Variants in SIPA1L3 observed in about 807,000 individuals in gnomAD.
SIPA1L3 encodes signal induced proliferation associated 1 like 3, also known as signal-induced proliferation-associated 1-like protein 3.
Under a neutral mutation model 150.1 loss-of-function variants are expected in SIPA1L3, and 59 were observed. The observed-to-expected ratio is 0.39, with a 90% CI of 0.32 to 0.49. SIPA1L3 has a LOEUF of 0.49. SIPA1L3 is among the 20% of genes least tolerant of loss of function. The pLI is 0.86. For synonymous variants in SIPA1L3, 1,070 were observed against 1,077.6 expected (o/e 0.99, Z 0.14); for missense variants, 2,211 against 2,489.5 (o/e 0.89, Z 2.38).
chr19:38,104,251 C>T lies in SIPA1L3; in HGVS notation c.2030-2286C>T, dbSNP rs2382974. 2.8e-3 allele frequency among the ~76,000 whole-genome samples: 424 copies of T among 152,338 alleles called. 2 individuals are homozygous for T. Among genetic ancestry groups the T allele is most frequent in the African/African-American group, 9.8e-3 (406 of 41,578 alleles). Reference sequence around the variant, plus strand: ...CCATCATCACCTTCCCCTGCTCCTCCGCTGAAGGAGGCTGTAGGAGGAACG... The same window carrying T: ...CCATCATCACCTTCCCCTGCTCCTCTGCTGAAGGAGGCTGTAGGAGGAACG... On this transcript the variant is annotated intron_variant, in intron 6 of 21. Coordinates refer to ENST00000222345, the MANE Select transcript of SIPA1L3 (RefSeq NM_015073.3).
intron 2 of SIPA1L3, among the ~76,000 whole-genome samples, chr19:38,040,320 A>G (rs1968888339): frequency 6.6e-6 from 1 of 151,984 alleles, no homozygotes; most frequent in Admixed American, 6.6e-5. Flanking sequence ...TTGTCACTGG[A>G]AACTGTATCC....
At chr19:38,062,621 A>AT (rs11392353) in intron 2 of SIPA1L3, among the ~76,000 whole-genome samples, 8,613 of 132,296 alleles carry the variant, frequency 0.065, 839 homozygotes, top group African/African-American at 0.23. Context: ...TATTATTATT[A>AT]TTTTTTTTTT....
intron 16 of SIPA1L3, among the ~76,000 whole-genome samples, chr19:38,183,603 G>A (rs1468637875): frequency 6.6e-6 from 1 of 152,194 alleles, no homozygotes; most frequent in Non-Finnish European, 1.5e-5. Flanking sequence ...AGGCGTGAGG[G>A]GGGCCCTTGA....
At position 38,166,455 on chromosome 19, in the gene SIPA1L3, C is replaced by CA. The variant is rs545670843; in HGVS notation, c.4208+1563dup. On this transcript the variant is annotated intron_variant, in intron 15 of 21. Transcript: ENST00000222345. ...CAGGCGACAGAGCAAGACTCTGTCTCAAAAAAAAAAAAAAGAAAAGAAAAG... is the reference window on the plus strand; with the variant it reads ...CAGGCGACAGAGCAAGACTCTGTCTCAAAAAAAAAAAAAAAGAAAAGAAAAG... Among the ~76,000 whole-genome samples the CA allele has an allele frequency of 3.7e-3, 382 of 103,888 alleles. 2 individuals carry two copies. Among genetic ancestry groups the CA allele is most frequent in the East Asian group, 5.9e-3 (21 of 3,536 alleles). The allele number at this position is 103,888 out of a possible 152,430, so 68.2% of individuals were successfully genotyped here.
At chr19:38,190,178 G>A (rs1332761117) in intron 16 of SIPA1L3, among the ~76,000 whole-genome samples, 1 of 152,096 alleles carries the variant, frequency 6.6e-6, no homozygotes, top group Non-Finnish European at 1.5e-5. Flanking sequence ...CCTCTCGAGG[G>A]GAGCCTGTGG....
chr19:38,044,662 T>C (rs545558919), intron 2 of SIPA1L3, among the ~76,000 whole-genome samples: 1 of 152,300 alleles, frequency 6.6e-6, no homozygotes, highest in South Asian at 2.1e-4. Context: ...ACACAATAGC[T>C]GCACAATAAA....
intron 1 of SIPA1L3, among the ~76,000 whole-genome samples, chr19:38,020,462 A>G (rs1466178970): frequency 6.6e-6 from 1 of 152,250 alleles, no homozygotes; most frequent in Non-Finnish European, 1.5e-5. Flanking sequence ...TCGAAACCAC[A>G]TTGACAGGCT....
rs200645972 is a variant in SIPA1L3, at chr19:38,167,816, C to T, written c.4208+2910C>T. 9.2e-5 allele frequency among the ~76,000 whole-genome samples: 14 copies of T among 152,252 alleles called. No individual in the cohort carries two copies. The East Asian group carries it at 1.7e-3, about 19-fold the overall frequency. On this transcript the variant is annotated intron_variant, in intron 15 of 21. Transcript: ENST00000222345. ...CTGGGCTCAAGCGATGCTCCCATCTCGGCCTCTCAAAATGCTGGGATTACA... is the reference window on the plus strand; with the variant it reads ...CTGGGCTCAAGCGATGCTCCCATCTTGGCCTCTCAAAATGCTGGGATTACA...
Position 38,082,531 on chromosome 19 carries a change from C to T in SIPA1L3, c.966C>T (p.Asp322=), listed in dbSNP as rs200306254. 1.3e-5 allele frequency: 21 copies of T among 1,598,344 alleles called. No individual in the cohort carries two copies. In the South Asian group the frequency reaches 2.1e-4, roughly 16 times the overall value. ...CTGGGCGTTCCCCGGGGGAGGCCGA[C>T]GAGGGCCGGAGCCCCCCGGAAGCCA... ...GEAGRSPGEA[D]EGRSPPEASR... is the part of the protein sequence containing the mutation. The change falls in exon 3 of 22, where the codon GAC becomes GAT. Residue 322 remains aspartate, a synonymous_variant. Transcript: ENST00000222345.
At chr19:38,092,352 G>T (rs1007196666) in intron 4 of SIPA1L3, among the ~76,000 whole-genome samples, 1 of 150,886 alleles carries the variant, frequency 6.6e-6, no homozygotes, top group Non-Finnish European at 1.5e-5. Flanking sequence ...ATGTACCCTA[G>T]AACTTAAAGT....
intron 2 of SIPA1L3, among the ~76,000 whole-genome samples, chr19:38,040,029 C>T (rs1161106550): frequency 6.6e-6 from 1 of 152,108 alleles, no homozygotes; most frequent in Non-Finnish European, 1.5e-5. Context: ...GGGAGGATCG[C>T]TTGAGCCTAG....
At chr19:38,026,142 C>G (rs1968504751) in intron 1 of SIPA1L3, among the ~76,000 whole-genome samples, 5 of 152,150 alleles carry the variant, frequency 3.3e-5, no homozygotes, top group Non-Finnish European at 1.5e-5. Context: ...TCAGGCAAGG[C>G]TGGATCCAGG....
intron 1 of SIPA1L3, among the ~76,000 whole-genome samples, chr19:38,009,335 T>A (rs1004018922): frequency 1.3e-5 from 2 of 152,038 alleles, no homozygotes; most frequent in African/African-American, 4.8e-5. Context: ...GGGCTATTAT[T>A]CCATGGAGAA....
At chr19:38,188,689 G>T (rs1353844695) in intron 16 of SIPA1L3, among the ~76,000 whole-genome samples, 1 of 151,920 alleles carries the variant, frequency 6.6e-6, no homozygotes. Flanking sequence ...TTGGGAGGCC[G>T]AGGCGGGCGG....
Position 38,051,889 on chromosome 19 carries a change from G to A in SIPA1L3, c.-311+22733G>A, listed in dbSNP as rs560435568. ...TGGGATCGCAGGCGTGAGCCACCAC[G>A]CCCCACTTGAGTTGTTTTAGTAATG... On this transcript the variant is annotated intron_variant, in intron 2 of 21. Transcript: ENST00000222345. 5.9e-5 allele frequency among the ~76,000 whole-genome samples: 9 copies of A among 152,272 alleles called. No homozygotes were observed. The East Asian group carries it at 7.7e-4, about 13-fold the overall frequency.
At chr19:38,008,009 G>A (rs945848083) in intron 1 of SIPA1L3, among the ~76,000 whole-genome samples, 10 of 152,146 alleles carry the variant, frequency 6.6e-5, no homozygotes, top group African/African-American at 2.4e-4. Context: ...GTCTAGAGCA[G>A]TGCCTGGCCC....
At chr19:38,018,993 A>G (rs879020374) in intron 1 of SIPA1L3, among the ~76,000 whole-genome samples, 14 of 152,226 alleles carry the variant, frequency 9.2e-5, no homozygotes, top group Admixed American at 9.2e-4. Context: ...GGGAAGTTCT[A>G]GCTTTCTCCC....
At chr19:38,005,694 C>T (rs1187269667) in intron 1 of SIPA1L3, among the ~76,000 whole-genome samples, 1 of 152,184 alleles carries the variant, frequency 6.6e-6, no homozygotes, top group Non-Finnish European at 1.5e-5. Context: ...CAAATATGCT[C>T]CTTACTAAAC....
Position 38,164,733 on chromosome 19 carries a change from C to T in SIPA1L3, c.4035C>T (p.Gly1345=), listed in dbSNP as rs386352360. The change falls in exon 15 of 22, where the codon GGC becomes GGT. Residue 1345 remains glycine (G), a synonymous_variant. Coordinates refer to ENST00000222345, the MANE Select transcript of SIPA1L3 (RefSeq NM_015073.3). The surrounding 1 kb of genome is among the most constrained non-coding windows in gnomAD (Gnocchi z 4.1). ...HKPPGSMGLC[G]GGREAAGRSH... is the part of the protein sequence containing the mutation. ...CCCCTGGAAGTATGGGCCTTTGTGG[C>T]GGGGGTCGCGAGGCCGCTGGGAGGT... is the stretch of plus-strand genomic sequence containing the variant. The T allele has an allele frequency of 6.8e-6, 11 of 1,612,996 alleles. No individual in the cohort carries two copies. Among genetic ancestry groups the T allele is most frequent in the East Asian group, 2.2e-5 (1 of 44,858 alleles).
Sources: gnomAD v4.1 joint callset for allele counts (sites outside exome capture counted in the v4.1 genomes callset) on GRCh38, gnomAD v4.1.1 for gene constraint, Gnocchi (gnomAD v3.1) non-coding constraint, MANE v1.5 for transcripts, NCBI Gene and HGNC (gene_info 2026-07-23, HGNC 2026-07-21) for gene names.